Variants in SPATA13 observed in about 807,000 individuals in gnomAD.
SPATA13 encodes spermatogenesis associated 13.
Under a neutral mutation model 104.0 loss-of-function variants are expected in SPATA13, and 50 were observed. That is an observed-to-expected ratio of 0.48 (90% confidence interval 0.38 to 0.61). The LOEUF (loss-of-function observed/expected upper bound fraction) is 0.61. Among genes scored for constraint, SPATA13 ranks in the 20% least tolerant of loss-of-function variants. The probability of loss-of-function intolerance (pLI) is 0.00; values close to 1 mark genes in which losing one functional copy is unlikely to be tolerated. For missense variants in SPATA13, 1,524 were observed against 1,690.6 expected (o/e 0.90, Z 1.73); for synonymous variants, 606 against 667.5 (o/e 0.91, Z 1.42).
chr13:24,137,220 T>C (rs1881601975), intron 3 of SPATA13, among the ~76,000 whole-genome samples: 1 of 152,176 alleles, frequency 6.6e-6, no homozygotes, highest in South Asian at 2.1e-4. Flanking sequence ...CAAAATTATT[T>C]CACCCCTTTG....
chr13:24,037,654 T>C (rs1032214128), intron 3 of SPATA13, among the ~76,000 whole-genome samples: 4 of 152,080 alleles, frequency 2.6e-5, no homozygotes, highest in South Asian at 4.2e-4. Flanking sequence ...GTGATCCACC[T>C]GCCTCGGCCT....
chr13:24,300,454 G>A lies in SPATA13; in HGVS notation c.3637G>A (p.Ala1213Thr), dbSNP rs1479425057. ...KKLAMLNAQK[A>T]GHGKSKGYNR... ...ACTTGCCATGTTAAATGCTCAAAAG[G>A]CAGGACATGGAAAGTCAAAAGGTAA... The change falls in exon 12 of 13, where the codon GCA (alanine) becomes ACA (threonine). Residue 1213 changes from alanine to threonine, a missense_variant. Transcript: ENST00000382108. The A allele has an allele frequency of 6.2e-7, 1 of 1,614,100 alleles. No individual in the cohort carries two copies. The highest frequency in any genetic ancestry group is 1.1e-5 in the South Asian group (1 of 91,074).
chr13:24,087,308 A>T (rs1362262593), intron 3 of SPATA13, among the ~76,000 whole-genome samples: 2 of 151,788 alleles, frequency 1.3e-5, no homozygotes, highest in Non-Finnish European at 2.9e-5. Flanking sequence ...CCCCCTGCAC[A>T]CTCTGCAAAG....
At chr13:24,276,133 T>C (rs1874967370) in intron 4 of SPATA13, among the ~76,000 whole-genome samples, 2 of 151,950 alleles carry the variant, frequency 1.3e-5, no homozygotes, top group African/African-American at 4.8e-5. Context: ...TGCTAAAGAG[T>C]TGTAAGCAGG....
chr13:24,301,353 C>G (rs1394458967), intron 12 of SPATA13, among the ~76,000 whole-genome samples: 1 of 152,228 alleles, frequency 6.6e-6, no homozygotes, highest in Admixed American at 6.5e-5. Flanking sequence ...CCAAACCACA[C>G]TTAACACTCC....
intron 1 of SPATA13, among the ~76,000 whole-genome samples, chr13:24,175,824 G>T (rs546918551): frequency 1.3e-5 from 2 of 152,282 alleles, no homozygotes; most frequent in Admixed American, 1.3e-4. Context: ...CCACAGGAGA[G>T]AAACTTTAGA....
intron 2 of SPATA13, among the ~76,000 whole-genome samples, chr13:24,234,500 G>A (rs539713849): frequency 5.9e-5 from 9 of 152,234 alleles, no homozygotes; most frequent in East Asian, 1.9e-4. Flanking sequence ...CTTTCAACCC[G>A]GCTTGGTGAC....
At chr13:24,016,540 C>T (rs1015951459) in intron 2 of SPATA13, among the ~76,000 whole-genome samples, 14 of 152,298 alleles carry the variant, frequency 9.2e-5, no homozygotes, top group Admixed American at 9.1e-4. Flanking sequence ...TTGCCCACAG[C>T]CAAGCAGGGC....
chr13:24,274,744 A>T (rs898828932), intron 4 of SPATA13, among the ~76,000 whole-genome samples: 1 of 152,250 alleles, frequency 6.6e-6, no homozygotes. Flanking sequence ...TCTCAAATAC[A>T]TGATTTTAGC....
rs1871705949 is a variant in SPATA13, at chr13:24,223,222, A to T, written c.293A>T (p.Asn98Ile). 1 of 1,551,486 alleles carries T rather than the reference A, an allele frequency of 6.4e-7. No individual in the cohort carries two copies. Among genetic ancestry groups the T allele is most frequent in the Non-Finnish European group, 8.7e-7 (1 of 1,146,942 alleles). Reference sequence around the variant, plus strand: ...CCCCACTCCATGGTCCTGGTGGGGAACTCCTCCACATGGAACACCCTCGCC... The same window carrying T: ...CCCCACTCCATGGTCCTGGTGGGGATCTCCTCCACATGGAACACCCTCGCC... ...ERPHSMVLVG[N>I]SSTWNTLASF... Residue 98 changes from asparagine (N) to isoleucine (I), a missense_variant, in exon 2 of 13, where the codon AAC becomes ATC. Physicochemically the swap from Asn to Ile is moderately radical, Grantham distance 149 (BLOSUM62 -3). Around this residue, in one of 2 missense-constraint regions of SPATA13, gnomAD observed 1,089 missense variants for 1,135.9 expected, o/e 0.96. Coordinates refer to ENST00000382108, the MANE Select transcript of SPATA13 (RefSeq NM_001166271.3).
At chr13:24,277,863 A>T (rs1456047095) in intron 4 of SPATA13, among the ~76,000 whole-genome samples, 1 of 152,242 alleles carries the variant, frequency 6.6e-6, no homozygotes, top group Non-Finnish European at 1.5e-5. Context: ...ACGAAGCATC[A>T]AAGCATAGCA....
intron 3 of SPATA13, among the ~76,000 whole-genome samples, chr13:24,080,855 C>A (rs996259493): frequency 1.3e-5 from 2 of 152,180 alleles, no homozygotes; most frequent in African/African-American, 2.4e-5. Flanking sequence ...TTATCTTCCT[C>A]CAAAGAGTTA....
Position 24,119,321 on chromosome 13 carries a change from C to T in SPATA13, c.-112+101620C>T, listed in dbSNP as rs147322270. 1.1e-4 allele frequency among the ~76,000 whole-genome samples: 17 copies of T among 152,144 alleles called. No homozygotes were observed. The East Asian group carries it at 3.3e-3, about 29-fold the overall frequency. On this transcript the variant is annotated intron_variant, in intron 3 of 14. Coordinates refer to the SPATA13 transcript ENST00000424834. ...GGTGGGCCCAGGAAAAAAAAGGGTA[C>T]TTGAGCCATGTTCCCAGGAATATTT...
chr13:24,128,262 G>A (rs887580330), intron 3 of SPATA13, among the ~76,000 whole-genome samples: 1 of 152,204 alleles, frequency 6.6e-6, no homozygotes, highest in African/African-American at 2.4e-5. Flanking sequence ...GCCCGGAGGG[G>A]TGACCTACAC....
chr13:24,174,637 C>T (rs568785836), intron 1 of SPATA13, among the ~76,000 whole-genome samples: 161 of 152,168 alleles, frequency 1.1e-3, no homozygotes, highest in African/African-American at 3.4e-3. Context: ...AGTATAGTGG[C>T]GCAATCTTGG....
intron 3 of SPATA13, among the ~76,000 whole-genome samples, chr13:24,145,274 A>C (rs1881892960): frequency 6.6e-6 from 1 of 152,220 alleles, no homozygotes; most frequent in Non-Finnish European, 1.5e-5. Flanking sequence ...ACAGAGGCAA[A>C]GGTCTAACTT....
intron 3 of SPATA13, among the ~76,000 whole-genome samples, chr13:24,085,380 G>A (rs1879684136): frequency 6.6e-6 from 1 of 152,156 alleles, no homozygotes; most frequent in Admixed American, 6.5e-5. Flanking sequence ...GCCCACCTCA[G>A]CCTCCAAAAG....
At chr13:24,093,419 T>C (rs1232312639) in intron 3 of SPATA13, among the ~76,000 whole-genome samples, 2 of 152,240 alleles carry the variant, frequency 1.3e-5, no homozygotes, top group African/African-American at 4.8e-5. Flanking sequence ...GTTAGTGATC[T>C]AGGTTTTCCG....
intron 2 of SPATA13, among the ~76,000 whole-genome samples, chr13:23,995,289 TA>T (rs1381045666): frequency 3.3e-5 from 5 of 152,246 alleles, no homozygotes; most frequent in Admixed American, 6.5e-5. Context: ...TGAACACAGG[TA>T]AATCAAAGAC....
Sources: gnomAD v4.1 joint callset for allele counts (sites outside exome capture counted in the v4.1 genomes callset) on GRCh38, gnomAD v4.1.1 for gene constraint, gnomAD v4.1.1 regional missense constraint, MANE v1.5 for transcripts, NCBI Gene and HGNC (gene_info 2026-07-23, HGNC 2026-07-21) for gene names.